Variants in CRISP2 observed in about 807,000 individuals in gnomAD.
The protein encoded by CRISP2 is cysteine rich secretory protein 2.
In CRISP2, 29 loss-of-function variants were observed where a neutral mutation model predicts 31.7. The ratio of observed to expected loss-of-function variants is 0.92; its 90% CI spans 0.68 to 1.25. The LOEUF (loss-of-function observed/expected upper bound fraction) is 1.25. CRISP2 is among the 50% of genes most tolerant of loss of function. The pLI is 0.00. For synonymous variants in CRISP2, 111 were observed against 101.4 expected (o/e 1.09, Z -0.57); for missense variants, 318 against 286.5 (o/e 1.11, Z -0.79).
chr6:49,688,256 A>T (rs918711402), downstream of CRISP2, among the ~76,000 whole-genome samples: 1 of 152,230 alleles, frequency 6.6e-6, no homozygotes, highest in Non-Finnish European at 1.5e-5. Context: ...AAGCTTGAAC[A>T]GGATTCAGTT....
At chr6:49,702,293 TATA>T (rs1443269777) in intron 4 of CRISP2, among the ~76,000 whole-genome samples, 1 of 149,950 alleles carries the variant, frequency 6.7e-6, no homozygotes, top group Non-Finnish European at 1.5e-5. Flanking sequence ...CTTTTTTTCA[TATA>T]ATGACTTCTT....
intron 4 of CRISP2, among the ~76,000 whole-genome samples, chr6:49,701,686 T>A (rs1293418025): frequency 4.3e-5 from 5 of 116,938 alleles, no homozygotes; most frequent in African/African-American, 7.5e-5. Flanking sequence ...ATGTATACAT[T>A]ATATATGTAT....
chr6:49,683,997 A>G, the CRISP2 span, among the ~76,000 whole-genome samples: 1 of 152,046 alleles, frequency 6.6e-6, no homozygotes, highest in Non-Finnish European at 1.5e-5. Context: ...TAAGACTTTG[A>G]GTCCTACTAT....
the CRISP2 span, among the ~76,000 whole-genome samples, chr6:49,682,703 TTTTTTCTCTTTC>T: frequency 3.5e-3 from 529 of 150,022 alleles, 1 homozygote; most frequent in African/African-American, 0.01. Flanking sequence ...TTTCTTTTTC[TTTTTTCTCTTTC>T]TTTTTCTCTT....
intron 8 of CRISP2, among the ~76,000 whole-genome samples, chr6:49,696,736 A>C (rs894136694): frequency 6.6e-6 from 1 of 152,172 alleles, no homozygotes; most frequent in Non-Finnish European, 1.5e-5. Context: ...GTGGGAGTCC[A>C]AATCTCAATA....
chr6:49,687,841 T>C (rs1377091409), downstream of CRISP2, among the ~76,000 whole-genome samples: 1 of 152,212 alleles, frequency 6.6e-6, no homozygotes, highest in Non-Finnish European at 1.5e-5. Context: ...TCCACTGTGG[T>C]ACCTCTGCTT....
At chr6:49,688,249 CTTGAACAGGATTCAG>C (rs1423045127), downstream of CRISP2, among the ~76,000 whole-genome samples, 1 of 152,154 alleles carries the variant, frequency 6.6e-6, no homozygotes, top group Non-Finnish European at 1.5e-5. Context: ...TGGAGAAAAG[CTTGAACAGGATTCAG>C]TTTTCCTTGT....
At position 49,692,746 on chromosome 6, in the gene CRISP2, A is replaced by C; in HGVS notation, c.*27T>G. ...TAAATGATGCAGCCCTTATCCATGCAGTCTTGCACAATGCTCACTAGGTAA... is the reference window on the plus strand; with the variant it reads ...TAAATGATGCAGCCCTTATCCATGCCGTCTTGCACAATGCTCACTAGGTAA... On this transcript the variant is annotated 3_prime_UTR_variant, in exon 10 of 10. Transcript: ENST00000339139. 1 of 1,587,484 alleles carries C rather than the reference A, an allele frequency of 6.3e-7. No homozygotes were observed. Among genetic ancestry groups the C allele is most frequent in the African/African-American group, 1.3e-5 (1 of 74,616 alleles).
intron 9 of CRISP2, among the ~76,000 whole-genome samples, chr6:49,693,569 G>GT (rs1380716634): frequency 6.6e-6 from 1 of 152,188 alleles, no homozygotes; most frequent in East Asian, 1.9e-4. Flanking sequence ...TAAACTCCTT[G>GT]TATTAGCTAA....
At chr6:49,698,637 A>C in intron 6 of CRISP2, 130 bp from the exon 7 acceptor site, 1 of 900,130 alleles carries the variant, frequency 1.1e-6, no homozygotes, top group Non-Finnish European at 1.7e-6. Flanking sequence ...TAATACATAA[A>C]GGAGTGCCTC....
At chr6:49,690,999 A>G (rs958056330), downstream of CRISP2, among the ~76,000 whole-genome samples, 2 of 151,920 alleles carry the variant, frequency 1.3e-5, no homozygotes, top group Admixed American at 6.6e-5. Flanking sequence ...AATTTTAAGA[A>G]TGCTATGAGA....
In CRISP2 at chr6:49,693,017, A is replaced by C. The variant is rs1764174894; in HGVS notation, c.605-117T>G. On this transcript the variant is annotated intron_variant, in intron 9 of 9. Transcript: ENST00000339139. ...GAACAAACAAGTTAGCATCGCTTAC[A>C]CTACAATGGGTCTTTCATGTCTTTA... 1.5e-5 allele frequency: 15 copies of C among 978,430 alleles called. 2 individuals are homozygous for C. In the South Asian group the frequency reaches 2.3e-4, roughly 15 times the overall value. The allele number at this position is 978,430 out of a possible 1,614,324, so 60.6% of individuals were successfully genotyped here. A position where few individuals can be genotyped will look rare whatever the true frequency, so the allele number is the denominator to read the frequency against.
chr6:49,687,256 T>C, the CRISP2 span, among the ~76,000 whole-genome samples: 2 of 152,234 alleles, frequency 1.3e-5, no homozygotes, highest in Non-Finnish European at 2.9e-5. Context: ...TTTAATCTTA[T>C]ACTTAACAAA....
the CRISP2 span, among the ~76,000 whole-genome samples, chr6:49,678,742 G>A: frequency 6.6e-6 from 1 of 152,134 alleles, no homozygotes; most frequent in Non-Finnish European, 1.5e-5. Context: ...AGCAGGAGCA[G>A]CATCAAGTTG....
At chr6:49,682,581 CTTTCTT>C in the CRISP2 span, among the ~76,000 whole-genome samples, 5,058 of 88,268 alleles carry the variant, frequency 0.057, 187 homozygotes, top group East Asian at 0.16. Context: ...CTTTTTCTTT[CTTTCTT>C]TTTCTTTCTT....
chr6:49,700,246 C>G (rs979415106), intron 5 of CRISP2, among the ~76,000 whole-genome samples: 21 of 152,024 alleles, frequency 1.4e-4, no homozygotes, highest in African/African-American at 4.3e-4. Context: ...ATTTCCAATT[C>G]CATTTGTTTT....
rs1279650306 is a variant in CRISP2, at chr6:49,711,313, C to G, written c.-38G>C. On this transcript the variant is annotated 5_prime_UTR_variant, in exon 3 of 10. Transcript: ENST00000339139. ...TGGTTTTCTGAGCAGGATGAAATAT[C>G]TACTTTATCTTTAGAAAGAAAGAAG... The G allele has an allele frequency of 6.6e-6, 1 of 152,154 alleles. No individual in the cohort carries two copies. The highest frequency in any genetic ancestry group is 6.6e-5 in the Admixed American group (1 of 15,266). 9.4% of individuals were successfully genotyped at this position (152,154 alleles called of 1,614,324 possible).
chr6:49,683,014 T>A, the CRISP2 span, among the ~76,000 whole-genome samples: 1 of 151,762 alleles, frequency 6.6e-6, no homozygotes, highest in Admixed American at 6.6e-5. Flanking sequence ...AAAAATTAGC[T>A]GGGCATGGTG....
At chr6:49,709,063 T>G in intron 4 of CRISP2, 68 bp downstream of exon 4, 1 of 1,394,674 alleles carries the variant, frequency 7.2e-7, no homozygotes, top group Non-Finnish European at 1.0e-6. Context: ...CCCCTTTACT[T>G]TCAGAATAGC....
Sources: allele counts gnomAD v4.1 joint callset (sites outside exome capture counted in the v4.1 genomes callset), GRCh38; gene constraint gnomAD v4.1.1; transcripts MANE v1.5; gene names NCBI Gene and HGNC (gene_info 2026-07-23, HGNC 2026-07-21).